Variants in PLD5 observed in about 807,000 individuals in gnomAD.
PLD5 encodes the protein phospholipase D family member 5, also known as inactive phospholipase D5.
In PLD5, 36 loss-of-function variants were observed where a neutral mutation model predicts 61.1. The observed-to-expected ratio is 0.59, with a 90% CI of 0.45 to 0.78. The LOEUF is 0.78. Among genes scored for constraint, PLD5 ranks in the 30% least tolerant of loss-of-function variants. PLD5 has a pLI of 0.00. For synonymous variants in PLD5, 243 were observed against 242.8 expected, an observed-to-expected ratio of 1.00 and a Z score of -0.01; for missense variants, 515 against 644.4, an observed-to-expected ratio of 0.80 and a Z score of 2.17.
chr1:242,282,148 A>G (rs1442535798), intron 3 of PLD5, among the ~76,000 whole-genome samples: 3 of 152,186 alleles, frequency 2.0e-5, no homozygotes, highest in Non-Finnish European at 4.4e-5. Flanking sequence ...AAACCCTTAT[A>G]TAGGCACTAA....
intron 5 of PLD5, among the ~76,000 whole-genome samples, chr1:242,155,343 A>C (rs564036236): frequency 1.1e-3 from 167 of 151,556 alleles, no homozygotes; most frequent in African/African-American, 3.9e-3. Flanking sequence ...TCGTGTCTCT[A>C]TCTCCTTCAG....
chr1:242,277,662 G>A (rs369989654), intron 3 of PLD5, among the ~76,000 whole-genome samples: 5 of 149,308 alleles, frequency 3.3e-5, no homozygotes, highest in East Asian at 1.9e-4. Flanking sequence ...AGATGCTTAC[G>A]TTGTAATGTT....
At chr1:242,305,314 T>C (rs2149166046) in intron 2 of PLD5, among the ~76,000 whole-genome samples, 1 of 152,320 alleles carries the variant, frequency 6.6e-6, no homozygotes, top group South Asian at 2.1e-4. Context: ...CCAGATGCTA[T>C]TTTCTGCAAC....
intron 2 of PLD5, among the ~76,000 whole-genome samples, chr1:242,319,429 G>A (rs1349908187): frequency 6.6e-6 from 1 of 151,326 alleles, no homozygotes; most frequent in African/African-American, 2.4e-5. Flanking sequence ...GATTGTGTGT[G>A]TATATACTAT....
chr1:242,240,121 G>A (rs771585403), intron 4 of PLD5, among the ~76,000 whole-genome samples: 2 of 152,132 alleles, frequency 1.3e-5, no homozygotes, highest in Admixed American at 6.5e-5. Flanking sequence ...ATTTTACACT[G>A]CACATGGCAA....
intron 5 of PLD5, among the ~76,000 whole-genome samples, chr1:242,217,380 T>C (rs1670281955): frequency 6.6e-6 from 1 of 152,200 alleles, no homozygotes; most frequent in East Asian, 1.9e-4. Context: ...CCCAGCACTT[T>C]GGGAGGCCGA....
intron 1 of PLD5, among the ~76,000 whole-genome samples, chr1:242,358,525 A>AC (rs1396332873): frequency 6.6e-6 from 1 of 151,832 alleles, no homozygotes; most frequent in African/African-American, 2.4e-5. Context: ...TTTGGGTGGA[A>AC]CAGCTGGCTA....
intron 2 of PLD5, among the ~76,000 whole-genome samples, chr1:242,315,451 G>C (rs543660554): frequency 6.6e-6 from 1 of 152,166 alleles, no homozygotes; most frequent in South Asian, 2.1e-4. Context: ...TAGACGTTCG[G>C]GAAATACAGA....
intron 3 of PLD5, among the ~76,000 whole-genome samples, chr1:242,269,092 C>T (rs562301571): frequency 2.0e-5 from 3 of 152,280 alleles, no homozygotes; most frequent in African/African-American, 7.2e-5. Context: ...ATCCACCTCC[C>T]TCGGCCTCCC....
At chr1:242,125,041 G>A (rs1164651776) in intron 5 of PLD5, among the ~76,000 whole-genome samples, 1 of 151,888 alleles carries the variant, frequency 6.6e-6, no homozygotes, top group Non-Finnish European at 1.5e-5. Context: ...CTGGAATCAT[G>A]GATTCTGGCT....
rs757653270 is a variant in PLD5 at position 242,421,051 on chromosome 1, G to A, written c.190-72809C>T. Among the ~76,000 whole-genome samples the A allele has an allele frequency of 1.7e-4, 26 of 151,624 alleles. 1 individual carries two copies. The highest frequency in any genetic ancestry group is 6.3e-4 in the South Asian group (3 of 4,774). Reference sequence around the variant, plus strand: ...AAAAATTAGCCGGGCGTGGTGGCACGCGCCTGTAGTCCCAGCTACTCGGGA... The same window carrying A: ...AAAAATTAGCCGGGCGTGGTGGCACACGCCTGTAGTCCCAGCTACTCGGGA... On this transcript the variant is annotated intron_variant, in intron 1 of 9. Transcript: ENST00000536534.
chr1:242,154,545 T>C (rs141895349), intron 5 of PLD5, among the ~76,000 whole-genome samples: 2 of 152,304 alleles, frequency 1.3e-5, no homozygotes, highest in African/African-American at 4.8e-5. Flanking sequence ...AACAGTTTTT[T>C]AGCACGAAGG....
chr1:242,154,631 T>G (rs1156524206), intron 5 of PLD5, among the ~76,000 whole-genome samples: 3 of 152,202 alleles, frequency 2.0e-5, no homozygotes, highest in Non-Finnish European at 4.4e-5. Flanking sequence ...GTTCTGTTTA[T>G]GTAATGGATT....
chr1:242,265,764 AAAG>A lies in PLD5; in HGVS notation c.496-319_496-317del, dbSNP rs1673635817. 2.6e-5 allele frequency among the ~76,000 whole-genome samples: 4 copies of A among 152,358 alleles called. No individual in the cohort carries two copies. In the East Asian group the frequency reaches 7.7e-4, roughly 29 times the overall value. ...TGTTATCTACACATGAAGAGGCAGC[AAAG>A]AAGATTAAGCAGTTGTGTTTTGGCC... is the stretch of plus-strand genomic sequence containing the variant. On this transcript the variant is annotated intron_variant, in intron 3 of 9. Transcript: ENST00000536534.
chr1:242,224,899 G>A (rs1574555988), intron 4 of PLD5, among the ~76,000 whole-genome samples: 2 of 152,154 alleles, frequency 1.3e-5, no homozygotes, highest in East Asian at 1.9e-4. Flanking sequence ...AAAGAGAGTC[G>A]TGTGACCATC....
At position 242,147,727 on chromosome 1, in the gene PLD5, A is replaced by T. The variant is rs959319438; in HGVS notation, c.736-23062T>A. Among the ~76,000 whole-genome samples the T allele has an allele frequency of 3.9e-5, 6 of 152,136 alleles. No individual in the cohort carries two copies. The East Asian group carries it at 1.2e-3, about 29-fold the overall frequency. ...ATTTTAGTTATTCTAATAGCTGTGC[A>T]TTGGTGCCACATTGTGGTTTTAATT... On this transcript the variant is annotated intron_variant, in intron 5 of 9. Transcript: ENST00000536534.
At chr1:242,515,491 G>A (rs1296622287) in intron 1 of PLD5, among the ~76,000 whole-genome samples, 1 of 152,198 alleles carries the variant, frequency 6.6e-6, no homozygotes, top group African/African-American at 2.4e-5. Context: ...GGGATTACAG[G>A]CGTGTGCCAC....
intron 1 of PLD5, among the ~76,000 whole-genome samples, chr1:242,484,601 C>A (rs866900230): frequency 6.6e-6 from 1 of 152,100 alleles, no homozygotes; most frequent in Non-Finnish European, 1.5e-5. Flanking sequence ...CAGGACCAGA[C>A]AGATTCACAG....
At chr1:242,332,023 A>T (rs2196825) in intron 2 of PLD5, among the ~76,000 whole-genome samples, 136,242 of 152,064 alleles carry the variant, frequency 0.9, 61,124 homozygotes, top group East Asian at 0.95. Context: ...TCTCCTAATG[A>T]TATCCCTCCC....
Sources: gnomAD v4.1 joint callset for allele counts (sites outside exome capture counted in the v4.1 genomes callset) on GRCh38, gnomAD v4.1.1 for gene constraint, MANE v1.5 for transcripts, NCBI Gene and HGNC (gene_info 2026-07-23, HGNC 2026-07-21) for gene names.